The following C5orf34 variants were observed in gnomAD, a reference collection of about 807,000 sequenced individuals.
C5orf34 encodes the protein chromosome 5 open reading frame 34, also known as uncharacterized protein C5orf34.
Under a neutral mutation model 78.4 loss-of-function variants are expected in C5orf34, and 73 were observed. The ratio of observed to expected loss-of-function variants is 0.93; its 90% CI spans 0.77 to 1.13. The LOEUF (loss-of-function observed/expected upper bound fraction) is 1.13, where lower values mean the gene tolerates loss of function less well. C5orf34 is among the 50% of genes most tolerant of loss of function. The pLI, the probability that C5orf34 is intolerant of heterozygous loss-of-function variation, is 0.00. For synonymous variants in C5orf34, 251 were observed against 246.6 expected (o/e 1.02, Z -0.17); for missense variants, 730 against 732.7 (o/e 1.00, Z 0.04).
At chr5:43,510,543 T>G (rs1746186688) in intron 1 of C5orf34, among the ~76,000 whole-genome samples, 1 of 152,208 alleles carries the variant, frequency 6.6e-6, no homozygotes, top group Non-Finnish European at 1.5e-5. Context: ...CCTCCCTGTC[T>G]GATTCTCCTG....
intron 1 of C5orf34, among the ~76,000 whole-genome samples, chr5:43,509,616 T>C (rs1299516981): frequency 6.6e-6 from 1 of 152,232 alleles, no homozygotes; most frequent in Non-Finnish European, 1.5e-5. Context: ...AAGTGATAAC[T>C]GTCTTTATAA....
chr5:43,490,091 C>T (rs985333325), intron 11 of C5orf34, among the ~76,000 whole-genome samples: 27 of 152,136 alleles, frequency 1.8e-4, no homozygotes, highest in Non-Finnish European at 3.7e-4. Context: ...CTTATTTCCT[C>T]CCTAAAATGT....
chr5:43,495,491 C>G, intron 6 of C5orf34: 1 of 1,607,168 alleles, frequency 6.2e-7, no homozygotes, highest in Non-Finnish European at 8.5e-7. Flanking sequence ...AGCAACGTTG[C>G]CACGACGAAC....
At chr5:43,496,698 C>A (rs951644351) in intron 6 of C5orf34, among the ~76,000 whole-genome samples, 4 of 150,818 alleles carry the variant, frequency 2.7e-5, no homozygotes, top group African/African-American at 9.8e-5. Context: ...GTCTTCCCAC[C>A]TCAGCCTCCC....
intron 2 of C5orf34, 77 bp from the exon 3 acceptor site, chr5:43,508,743 T>C: frequency 1.1e-6 from 1 of 880,598 alleles, no homozygotes; most frequent in Non-Finnish European, 1.9e-6. Context: ...TACAGTATAA[T>C]CCATAATACT....
In C5orf34 at chr5:43,498,057, G is replaced by GA. The variant is rs1215521162; in HGVS notation, c.1153-3457_1153-3456insT. 2.6e-5 allele frequency among the ~76,000 whole-genome samples: 4 copies of GA among 152,252 alleles called. No homozygotes were observed. In the South Asian group the frequency reaches 8.3e-4, roughly 32 times the overall value. On this transcript the variant is annotated intron_variant, in intron 6 of 12. Coordinates refer to ENST00000306862, the MANE Select transcript of C5orf34 (RefSeq NM_198566.4). The stretch of plus-strand genomic sequence containing the variant: ...TCCCCTAGTTATGTCCACAAGCACA[G>GA]TTCCCTCTAATCCTGCCTCTTGGTC...
At chr5:43,490,783 A>G in intron 10 of C5orf34, 54 bp from the exon 11 acceptor site, 1 of 848,440 alleles carries the variant, frequency 1.2e-6, no homozygotes, top group Non-Finnish European at 1.9e-6. Context: ...AATACATTAT[A>G]AAATTATAAA....
intron 6 of C5orf34, among the ~76,000 whole-genome samples, chr5:43,500,418 C>CA (rs1745708984): frequency 6.6e-6 from 1 of 151,928 alleles, no homozygotes; most frequent in Non-Finnish European, 1.5e-5. Context: ...TTTTTTGAGA[C>CA]AGAGTCTTGC....
chr5:43,497,070 T>C (rs1345954707), intron 6 of C5orf34, among the ~76,000 whole-genome samples: 1 of 152,148 alleles, frequency 6.6e-6, no homozygotes, highest in Non-Finnish European at 1.5e-5. Flanking sequence ...GCTACATTAA[T>C]GGAAGAAATA....
chr5:43,496,581 AATTTTTTT>A, intron 6 of C5orf34: 1 of 608,944 alleles, frequency 1.6e-6, no homozygotes, highest in Non-Finnish European at 2.3e-6. Context: ...AGTTTTTTTT[AATTTTTTT>A]TTTTTTTTTT....
chr5:43,492,183 TA>T, intron 10 of C5orf34, 31 bp downstream of exon 10: 1 of 1,413,840 alleles, frequency 7.1e-7, no homozygotes, highest in Non-Finnish European at 9.9e-7. Context: ...AAGTAAAACA[TA>T]AAAATAATTT....
chr5:43,491,027 C>T (rs912527497), intron 10 of C5orf34, among the ~76,000 whole-genome samples: 3 of 152,082 alleles, frequency 2.0e-5, no homozygotes, highest in African/African-American at 7.2e-5. Flanking sequence ...TTTAAATGTT[C>T]TAATTCTTTT....
At chr5:43,494,295 C>G (rs2112279157) in intron 7 of C5orf34, among the ~76,000 whole-genome samples, 1 of 152,224 alleles carries the variant, frequency 6.6e-6, no homozygotes, top group Non-Finnish European at 1.5e-5. Flanking sequence ...GGATATTTCT[C>G]CATATTTAAA....
chr5:43,506,270 G>A lies in C5orf34; in HGVS notation c.410C>T (p.Pro137Leu), dbSNP rs772062177. The change falls in exon 4 of 13, where the codon CCC becomes CTC. Residue 137 changes from proline (P) to leucine (L), a missense_variant. Coordinates refer to ENST00000306862, the MANE Select transcript of C5orf34 (RefSeq NM_198566.4). ...TACTGTAAATTCATGCTGAGATCTG[G>A]GCAGGCAGAGGTATGCATGACCATC... Reference protein sequence around the residue: ...SLDGHAYLCLPRSQHEFTVHF... With the variant: ...SLDGHAYLCLLRSQHEFTVHF... The A allele has an allele frequency of 1.2e-6, 2 of 1,613,942 alleles. No homozygotes were observed. The highest frequency in any genetic ancestry group is 8.5e-7 in the Non-Finnish European group (1 of 1,180,030).
intron 1 of C5orf34, among the ~76,000 whole-genome samples, chr5:43,510,901 C>T (rs1216806217): frequency 6.6e-6 from 1 of 152,000 alleles, no homozygotes; most frequent in African/African-American, 2.4e-5. Flanking sequence ...CCTGGCCGCC[C>T]ATCATCTGGG....
intron 4 of C5orf34, 107 bp from the exon 5 acceptor site, chr5:43,503,867 C>T: frequency 1.5e-6 from 1 of 680,782 alleles, no homozygotes; most frequent in East Asian, 2.6e-5. Flanking sequence ...TTGTTTAACT[C>T]ACTAGATCAA....
In C5orf34 at chr5:43,493,399, G is replaced by A. The variant is rs182241965; in HGVS notation, c.1314+144C>T. 603 of 578,854 alleles carry A rather than the reference G, an allele frequency of 1.0e-3. 1 individual carries two copies. Among genetic ancestry groups the A allele is most frequent in the Admixed American group, 2.2e-3 (62 of 28,174 alleles). The allele number at this position is 578,854 out of a possible 1,614,324, so 35.9% of individuals were successfully genotyped here. A position where few individuals can be genotyped will look rare whatever the true frequency, so the allele number is the denominator to read the frequency against. ...TGAACTTTCAGTGTTTGTCTACTAG[G>A]TAGGTATTTTTCTGAATAAACCAAC... On this transcript the variant is annotated intron_variant, in intron 8 of 12. Coordinates refer to ENST00000306862, the MANE Select transcript of C5orf34 (RefSeq NM_198566.4).
chr5:43,488,014 A>C, intron 11 of C5orf34, 65 bp from the exon 12 acceptor site: 3 of 1,308,054 alleles, frequency 2.3e-6, no homozygotes, highest in Non-Finnish European at 3.2e-6. Context: ...GATATTTCAA[A>C]TAAGCATACC....
At position 43,506,160 on chromosome 5, in the gene C5orf34, C is replaced by G; in HGVS notation, c.520G>C (p.Val174Leu). 5 of 1,614,144 alleles carry G rather than the reference C, an allele frequency of 3.1e-6. No homozygotes were observed. The highest frequency in any genetic ancestry group is 4.2e-6 in the Non-Finnish European group (5 of 1,180,018). ...ATACAGATTTTGCCAGTTTTTTCAACTAGTTTATCTTTTGGGGCTTTATTA... is the reference window on the plus strand; with the variant it reads ...ATACAGATTTTGCCAGTTTTTTCAAGTAGTTTATCTTTTGGGGCTTTATTA... ...TNNKAPKDKL[V>L]EKTGKICIRG... The change falls in exon 4 of 13, where the codon GTT (valine) becomes CTT (leucine). Residue 174 changes from valine (V) to leucine (L), a missense_variant. Coordinates refer to ENST00000306862, the MANE Select transcript of C5orf34 (RefSeq NM_198566.4).
Sources: gnomAD v4.1 joint callset for allele counts (sites outside exome capture counted in the v4.1 genomes callset) on GRCh38, gnomAD v4.1.1 for gene constraint, MANE v1.5 for transcripts, NCBI Gene and HGNC (gene_info 2026-07-23, HGNC 2026-07-21) for gene names.